PHF2: variants seen among roughly 807,000 people sequenced by gnomAD.
The protein encoded by PHF2 is PHD finger protein 2.
PHF2 carries 27 observed loss-of-function variants against 120.5 expected under a neutral mutation model. That is an observed-to-expected ratio of 0.22 (90% CI 0.17 to 0.31). The LOEUF (loss-of-function observed/expected upper bound fraction) is 0.31. PHF2 is among the 10% of genes least tolerant of loss of function. The pLI, the probability that PHF2 is intolerant of heterozygous loss-of-function variation, is 1.00. For synonymous variants in PHF2, 568 were observed against 592.5 expected, an observed-to-expected ratio of 0.96 and a Z score of 0.60; for missense variants, 1,024 against 1,434.8, an observed-to-expected ratio of 0.71 and a Z score of 4.63.
chr9:93,618,852 GTGTGTGGTGTTC>G (rs1564383303), intron 1 of PHF2, among the ~76,000 whole-genome samples: 23 of 138,316 alleles, frequency 1.7e-4, no homozygotes, highest in East Asian at 4.3e-4. Context: ...GTGTGTGCCT[GTGTGTGGTGTTC>G]GTGTGTCTCT....
Position 93,632,180 on chromosome 9 carries a change from A to G in PHF2, c.184+2125A>G, listed in dbSNP as rs563552523. Among the ~76,000 whole-genome samples the G allele has an allele frequency of 3.3e-5, 5 of 152,202 alleles. No individual in the cohort carries two copies. The East Asian group carries it at 7.7e-4, about 24-fold the overall frequency. ...GTTTGGGCAGAGGCCTGGTGTCCCAACCTGCCCTTGATTGCAGCTAAAACC... is the reference window on the plus strand; with the variant it reads ...GTTTGGGCAGAGGCCTGGTGTCCCAGCCTGCCCTTGATTGCAGCTAAAACC... On this transcript the variant is annotated intron_variant, in intron 2 of 21. Coordinates refer to ENST00000359246, the MANE Select transcript of PHF2 (RefSeq NM_005392.4).
At chr9:93,671,693 G>C (rs1166869279) in intron 17 of PHF2, among the ~76,000 whole-genome samples, 11 of 140,308 alleles carry the variant, frequency 7.8e-5, no homozygotes, top group African/African-American at 2.6e-4. Flanking sequence ...TGCAGGTGTG[G>C]GTGTGGATGT....
intron 1 of PHF2, among the ~76,000 whole-genome samples, chr9:93,606,690 G>A (rs1432934564): frequency 6.6e-6 from 1 of 152,182 alleles, no homozygotes; most frequent in East Asian, 1.9e-4. Context: ...CACAGCAGAA[G>A]TTTTTAATTT....
intron 20 of PHF2, 102 bp from the exon 21 acceptor site, chr9:93,676,492 G>A: frequency 7.1e-7 from 1 of 1,409,562 alleles, no homozygotes; most frequent in Non-Finnish European, 9.6e-7. Context: ...GCCCAGCCCT[G>A]CTGTGCTCAA....
At chr9:93,670,173 C>T (rs1826756364) in intron 17 of PHF2, among the ~76,000 whole-genome samples, 2 of 152,178 alleles carry the variant, frequency 1.3e-5, no homozygotes, top group South Asian at 4.1e-4. Flanking sequence ...AGGGGCAGGT[C>T]CAGGGAGCAG....
At chr9:93,664,297 T>G (rs1826635625) in intron 14 of PHF2, among the ~76,000 whole-genome samples, 2 of 151,940 alleles carry the variant, frequency 1.3e-5, no homozygotes, top group South Asian at 2.1e-4. Context: ...TTGGGTGGTG[T>G]GGGCATGCTG....
In PHF2 at chr9:93,627,492, ATT is replaced by A. The variant is rs55647503; in HGVS notation, c.99-2463_99-2462del. Among the ~76,000 whole-genome samples the A allele has an allele frequency of 1.2e-3, 128 of 108,120 alleles. 1 individual carries two copies. Among genetic ancestry groups the A allele is most frequent in the Middle Eastern group, 5.6e-3 (1 of 178 alleles). The allele number at this position is 108,120 out of a possible 152,430, so 70.9% of individuals were successfully genotyped here. A position where few individuals can be genotyped will look rare whatever the true frequency, so the allele number is the denominator to read the frequency against. Reference sequence around the variant, plus strand: ...CAATTCAGACTCCTTTTATTTCAGGATTTTTTTTTTTTTTTTGTCTAATTGCT... The same window carrying A: ...CAATTCAGACTCCTTTTATTTCAGGATTTTTTTTTTTTTTGTCTAATTGCT... On this transcript the variant is annotated intron_variant, in intron 1 of 21. Coordinates refer to ENST00000359246, the MANE Select transcript of PHF2 (RefSeq NM_005392.4).
intron 1 of PHF2, among the ~76,000 whole-genome samples, chr9:93,596,753 T>TTTTTTTG (rs1297626654): frequency 6.6e-6 from 1 of 151,792 alleles, no homozygotes; most frequent in African/African-American, 2.4e-5. Context: ...TGCCGTTTTT[T>TTTTTTTG]TTTTTTGTTT....
chr9:93,598,952 G>T (rs1825382406), intron 1 of PHF2, among the ~76,000 whole-genome samples: 1 of 152,166 alleles, frequency 6.6e-6, no homozygotes, highest in Non-Finnish European at 1.5e-5. Flanking sequence ...GACGTGGCTG[G>T]TATGTCCGTG....
intron 1 of PHF2, among the ~76,000 whole-genome samples, chr9:93,593,482 A>C (rs1042517516): frequency 6.6e-6 from 1 of 152,240 alleles, no homozygotes; most frequent in Non-Finnish European, 1.5e-5. Context: ...TCTGCATACA[A>C]TTGGTTTCCT....
chr9:93,605,535 A>G (rs1825526392), intron 1 of PHF2, among the ~76,000 whole-genome samples: 1 of 152,156 alleles, frequency 6.6e-6, no homozygotes, highest in Non-Finnish European at 1.5e-5. Context: ...ACCTCTGATA[A>G]CCACTGATGT....
At chr9:93,640,571 T>G (rs1382979864) in intron 3 of PHF2, among the ~76,000 whole-genome samples, 3 of 152,166 alleles carry the variant, frequency 2.0e-5, no homozygotes, top group African/African-American at 7.2e-5. Flanking sequence ...TGTCTTAATT[T>G]CCATTTCTCT....
intron 5 of PHF2, among the ~76,000 whole-genome samples, chr9:93,651,614 G>A (rs573320272): frequency 1.3e-5 from 2 of 152,298 alleles, no homozygotes; most frequent in South Asian, 4.1e-4. Context: ...AGTGACCAAT[G>A]TACCCCCAGA....
At position 93,645,647 on chromosome 9, in the gene PHF2, C is replaced by T. The variant is rs139083818; in HGVS notation, c.318C>T (p.Ala106=). 1,044 of 1,603,888 alleles carry T rather than the reference C, an allele frequency of 6.5e-4. 1 individual carries two copies. Among genetic ancestry groups the T allele is most frequent in the Non-Finnish European group, 8.4e-4 (986 of 1,173,958 alleles). Residue 106 remains alanine, a synonymous_variant, in exon 4 of 22, where the codon GCC becomes GCT. Coordinates refer to ENST00000359246, the MANE Select transcript of PHF2 (RefSeq NM_005392.4). ...CCTGCAGTGCTGAAGACGTGGTGGC[C>T]CGTGTGCCAGGAAGTCAGCTCACGC... ...RTFPSAEDVV[A]RVPGSQLTLG...
chr9:93,674,876 T>G, intron 18 of PHF2, 51 bp from the exon 19 acceptor site: 2 of 1,397,034 alleles, frequency 1.4e-6, no homozygotes, highest in Non-Finnish European at 2.0e-6. Context: ...CCCTCCTCCG[T>G]GGACCTGCCC....
At position 93,677,017 on chromosome 9, in the gene PHF2, G is replaced by A. The variant is rs1826930590; in HGVS notation, c.3202+54G>A. 9 of 1,462,242 alleles carry A rather than the reference G, an allele frequency of 6.2e-6. No individual in the cohort carries two copies. Among genetic ancestry groups the A allele is most frequent in the Non-Finnish European group, 8.2e-6 (9 of 1,099,864 alleles). The allele number at this position is 1,462,242 out of a possible 1,614,324, so 90.6% of individuals were successfully genotyped here. On this transcript the variant is annotated intron_variant, in intron 21 of 21. Transcript: ENST00000359246. This position sits in a 1 kb window ranked among gnomAD's most constrained non-coding sequence, Gnocchi z 4.4. Reference sequence around the variant, plus strand: ...GCCCCCCTGCCCTGCCTGCCCCCATGGGCAGCCCCAGACATGCAGACTCGG... The same window carrying A: ...GCCCCCCTGCCCTGCCTGCCCCCATAGGCAGCCCCAGACATGCAGACTCGG...
chr9:93,641,479 G>T (rs761800853), intron 3 of PHF2, among the ~76,000 whole-genome samples: 11 of 152,190 alleles, frequency 7.2e-5, no homozygotes, highest in Non-Finnish European at 1.5e-4. Context: ...TTTGCCCTAT[G>T]AGCTCAATTC....
intron 4 of PHF2, among the ~76,000 whole-genome samples, 163 bp from the exon 5 acceptor site, chr9:93,648,908 G>A (rs1408665450): frequency 6.6e-6 from 1 of 151,972 alleles, no homozygotes; most frequent in Non-Finnish European, 1.5e-5. Context: ...AAAGCAGGCA[G>A]GTGAAGCTCG....
At chr9:93,645,543 T>A in intron 3 of PHF2, 86 bp from the exon 4 acceptor site, 1 of 1,375,158 alleles carries the variant, frequency 7.3e-7, no homozygotes, top group Non-Finnish European at 9.6e-7. Flanking sequence ...CAGGCTCACC[T>A]CTCCAGCACC....
Sources: gnomAD v4.1 joint callset for allele counts (sites outside exome capture counted in the v4.1 genomes callset) on GRCh38, gnomAD v4.1.1 for gene constraint, Gnocchi (gnomAD v3.1) non-coding constraint, MANE v1.5 for transcripts, NCBI Gene and HGNC (gene_info 2026-07-23, HGNC 2026-07-21) for gene names.